MAP3K10: variants seen among roughly 807,000 people sequenced by gnomAD.
MAP3K10 encodes the protein MKN28 derived nonreceptor_type serine/threonine kinase.
A neutral mutation model predicts 75.0 loss-of-function variants in MAP3K10; 22 were observed. The observed-to-expected ratio is 0.29, with a 90% confidence interval of 0.21 to 0.42. The LOEUF (loss-of-function observed/expected upper bound fraction) is 0.42. Ranked by LOEUF, MAP3K10 falls within the 10% of genes least tolerant of loss-of-function variation. MAP3K10 has a pLI of 1.00. For synonymous variants in MAP3K10, 599 were observed against 612.9 expected (o/e 0.98, Z 0.34); for missense variants, 1,165 against 1,379.8 (o/e 0.84, Z 2.47).
In MAP3K10 at chr19:40,192,544, C is replaced by T. The variant is rs766405261; in HGVS notation, c.513C>T (p.Cys171=). 86 of 1,613,362 alleles carry T rather than the reference C, an allele frequency of 5.3e-5. No individual in the cohort carries two copies. Among genetic ancestry groups the T allele is most frequent in the Admixed American group, 6.7e-5 (4 of 59,964 alleles). The change falls in exon 1 of 10, where the codon TGC becomes TGT. Residue 171 remains cysteine, a synonymous_variant. Coordinates refer to ENST00000253055, the MANE Select transcript of MAP3K10 (RefSeq NM_002446.4). This position sits in a 1 kb window ranked among gnomAD's most constrained non-coding sequence, Gnocchi z 7.1. ...CCTGCCTCAACCCCCCACACCTCTG[C>T]CTAGTGATGGAGTATGCCCGGGGTG... ...RGACLNPPHL[C]LVMEYARGGA...
rs1973191156 is a variant in MAP3K10, at chr19:40,209,299, A to G, written c.1552+80A>G. 3 of 1,049,902 alleles carry G rather than the reference A, an allele frequency of 2.9e-6. No individual in the cohort carries two copies. The Admixed American group carries it at 5.9e-5, about 21-fold the overall frequency. 65.0% of individuals were successfully genotyped at this position (1,049,902 alleles called of 1,614,324 possible). ...TAGCACGATGTTTATACCTGGCACC[A>G]AGCCAGAGTAACAGCAAGAAAGAAG... On this transcript the variant is annotated intron_variant, in intron 6 of 9. Transcript: ENST00000253055.
chr19:40,199,834 A>T (rs895128735), intron 2 of MAP3K10, among the ~76,000 whole-genome samples: 5 of 152,168 alleles, frequency 3.3e-5, no homozygotes, highest in Non-Finnish European at 7.3e-5. Flanking sequence ...AGAAATTTTT[A>T]AATTAATTTT....
At position 40,192,752 on chromosome 19, in the gene MAP3K10, C is replaced by G; in HGVS notation, c.682+39C>G. The G allele has an allele frequency of 6.8e-7, 1 of 1,472,720 alleles. No homozygotes were observed. The highest frequency in any genetic ancestry group is 1.4e-5 in the South Asian group (1 of 73,854). 91.2% of individuals were successfully genotyped at this position (1,472,720 alleles called of 1,614,324 possible). On this transcript the variant is annotated intron_variant, in intron 1 of 9. Coordinates refer to ENST00000253055, the MANE Select transcript of MAP3K10 (RefSeq NM_002446.4). This position sits in a 1 kb window ranked among gnomAD's most constrained non-coding sequence, Gnocchi z 7.1. The stretch of plus-strand genomic sequence containing the variant: ...TCTCCCCAAAATTCCTTCCACAGAA[C>G]CTCTCAAGGCCAGGCCTAGGTGGTG...
intron 1 of MAP3K10, among the ~76,000 whole-genome samples, chr19:40,193,161 G>T (rs1972849166): frequency 6.6e-6 from 1 of 152,188 alleles, no homozygotes; most frequent in African/African-American, 2.4e-5. Context: ...CCTGTAAATT[G>T]TGAGTTGCTT....
chr19:40,214,938 C>G, intron 9 of MAP3K10, 32 bp from the exon 10 acceptor site: 1 of 1,063,644 alleles, frequency 9.4e-7, no homozygotes, highest in Non-Finnish European at 1.4e-6. Context: ...TCTGCCCCAC[C>G]CCACTCACCT....
In MAP3K10 at chr19:40,204,861, C is replaced by T; in HGVS notation, c.1012+228C>T. On this transcript the variant is annotated intron_variant, in intron 3 of 9. Coordinates refer to ENST00000253055, the MANE Select transcript of MAP3K10 (RefSeq NM_002446.4). The surrounding 1 kb of genome is among the most constrained non-coding windows in gnomAD (Gnocchi z 4.3). ...GCTCTCAGGACAACCTGTTAGGATTCCTTGGCCCTGGGATTCCACCTTGAT... is the reference window on the plus strand; with the variant it reads ...GCTCTCAGGACAACCTGTTAGGATTTCTTGGCCCTGGGATTCCACCTTGAT... The T allele has an allele frequency of 1.6e-6, 1 of 636,542 alleles. No homozygotes were observed. Among genetic ancestry groups the T allele is most frequent in the Admixed American group, 3.0e-5 (1 of 33,882 alleles). The allele number at this position is 636,542 out of a possible 1,614,324, so 39.4% of individuals were successfully genotyped here.
chr19:40,200,647 C>G (rs1032945645), intron 2 of MAP3K10, among the ~76,000 whole-genome samples: 18 of 118,098 alleles, frequency 1.5e-4, no homozygotes, highest in African/African-American at 5.8e-4. Flanking sequence ...GGGACAGAGT[C>G]TCACTCTGCC....
In MAP3K10 at chr19:40,191,941, C is replaced by T; in HGVS notation, c.-91C>T. On this transcript the variant is annotated 5_prime_UTR_variant, in exon 1 of 10. Transcript: ENST00000253055. ...AGGAGCTCCCTAGACCCCGCAGGGA[C>T]TGCCCTCCATCCCGGCCGCCGGGGC... The T allele has an allele frequency of 4.7e-6, 4 of 846,176 alleles. No individual in the cohort carries two copies. The South Asian group carries it at 8.0e-5, about 17-fold the overall frequency. The allele number at this position is 846,176 out of a possible 1,614,324, so 52.4% of individuals were successfully genotyped here.
Position 40,213,635 on chromosome 19 carries a change from G to T in MAP3K10, c.1956G>T (p.Trp652Cys). The part of the protein sequence containing the change: ...AEPSPGARAP[W>C]EPTPSAPPAR... ...CCTCCCCGGGGGCGCGGGCGCCGTG[G>T]GAGCCGACGCCGTCCGCGCCCCCCG... Residue 652 changes from tryptophan to cysteine, a missense_variant, in exon 9 of 10, where the codon TGG becomes TGT. Around this residue, in one of 2 missense-constraint regions of MAP3K10, gnomAD observed 590 missense variants for 586.6 expected, o/e 1.01. Transcript: ENST00000253055. The surrounding 1 kb of genome is among the most constrained non-coding windows in gnomAD (Gnocchi z 5.7). 2 of 1,484,092 alleles carry T rather than the reference G, an allele frequency of 1.3e-6. No homozygotes were observed. 91.9% of individuals were successfully genotyped at this position (1,484,092 alleles called of 1,614,324 possible).
rs1019641136 is a variant in MAP3K10, at chr19:40,209,354, C to A, written c.1552+135C>A. 42 of 584,452 alleles carry A rather than the reference C, an allele frequency of 7.2e-5. No individual in the cohort carries two copies. The Admixed American group carries it at 1.1e-3, about 15-fold the overall frequency. The allele number at this position is 584,452 out of a possible 1,614,324, so 36.2% of individuals were successfully genotyped here. A position where few individuals can be genotyped will look rare whatever the true frequency, so the allele number is the denominator to read the frequency against. On this transcript the variant is annotated intron_variant, in intron 6 of 9. Coordinates refer to ENST00000253055, the MANE Select transcript of MAP3K10 (RefSeq NM_002446.4). Reference sequence around the variant, plus strand: ...ACAAGGCCCTTTTCCTCATTCTTATCACAGGAAACAGATAGTAAACAAATA... The same window carrying A: ...ACAAGGCCCTTTTCCTCATTCTTATAACAGGAAACAGATAGTAAACAAATA...
chr19:40,196,435 G>A (rs1045926223), intron 1 of MAP3K10, among the ~76,000 whole-genome samples: 2 of 152,186 alleles, frequency 1.3e-5, no homozygotes, highest in Non-Finnish European at 2.9e-5. Flanking sequence ...GATTGTTTAA[G>A]CCCAGAAGTT....
In MAP3K10 at chr19:40,192,766, G is replaced by A. The variant is rs1972843864; in HGVS notation, c.682+53G>A. ...CTTCCACAGAACCTCTCAAGGCCAG[G>A]CCTAGGTGGTGGGAAACAGGGTGAG... On this transcript the variant is annotated intron_variant, in intron 1 of 9. Coordinates refer to ENST00000253055, the MANE Select transcript of MAP3K10 (RefSeq NM_002446.4). This position sits in a 1 kb window ranked among gnomAD's most constrained non-coding sequence, Gnocchi z 7.1. The A allele has an allele frequency of 3.5e-6, 5 of 1,417,258 alleles. No homozygotes were observed. The highest frequency in any genetic ancestry group is 1.4e-5 in the South Asian group (1 of 70,008). The allele number at this position is 1,417,258 out of a possible 1,614,324, so 87.8% of individuals were successfully genotyped here. A position where few individuals can be genotyped will look rare whatever the true frequency, so the allele number is the denominator to read the frequency against.
At chr19:40,200,483 T>A (rs181260266) in intron 2 of MAP3K10, among the ~76,000 whole-genome samples, 1 of 151,944 alleles carries the variant, frequency 6.6e-6, no homozygotes, top group African/African-American at 2.4e-5. Context: ...CTCCAGATTG[T>A]CCAAGCAGCA....
chr19:40,203,417 A>G (rs563632975), intron 2 of MAP3K10, among the ~76,000 whole-genome samples: 70 of 152,332 alleles, frequency 4.6e-4, no homozygotes, highest in Admixed American at 4.5e-3. Context: ...AACACCACAC[A>G]GAATGGCCAT....
At chr19:40,214,896 A>G (rs1466668294) in intron 9 of MAP3K10, 74 bp from the exon 10 acceptor site, 1 of 705,078 alleles carries the variant, frequency 1.4e-6, no homozygotes, top group Non-Finnish European at 2.5e-6. Flanking sequence ...TGTGCTTTTC[A>G]TGTAACAGCT....
At position 40,206,736 on chromosome 19, in the gene MAP3K10, C is replaced by G. The variant is rs192352124; in HGVS notation, c.1435+579C>G. On this transcript the variant is annotated intron_variant, in intron 5 of 9. Coordinates refer to ENST00000253055, the MANE Select transcript of MAP3K10 (RefSeq NM_002446.4). ...TCACACCATCCCCTGAGAGGAACAT[C>G]TGTCTTGACACTTAGGACAGTCACT... is the stretch of plus-strand genomic sequence containing the variant. Among the ~76,000 whole-genome samples the G allele has an allele frequency of 1.8e-4, 27 of 152,318 alleles. No homozygotes were observed. The East Asian group carries it at 5.2e-3, about 29-fold the overall frequency.
Position 40,209,096 on chromosome 19 carries a change from T to C in MAP3K10, c.1436-7T>C. 6 of 1,605,902 alleles carry C rather than the reference T, an allele frequency of 3.7e-6. No individual in the cohort carries two copies. The highest frequency in any genetic ancestry group is 5.1e-6 in the Non-Finnish European group (6 of 1,172,698). On this transcript the variant is annotated splice_region_variant and splice_polypyrimidine_tract_variant and intron_variant, in intron 5 of 9. Coordinates refer to ENST00000253055, the MANE Select transcript of MAP3K10 (RefSeq NM_002446.4). The stretch of plus-strand genomic sequence containing the variant: ...TTGCTTAGGAAAGCTTCTCTTTCTT[T>C]CTGCAGGCTTTGAGCATAAGATCAC...
Position 40,213,204 on chromosome 19 carries a change from C to A in MAP3K10, c.1837+16C>A. On this transcript the variant is annotated intron_variant, in intron 8 of 9. Coordinates refer to ENST00000253055, the MANE Select transcript of MAP3K10 (RefSeq NM_002446.4). The surrounding 1 kb of genome is among the most constrained non-coding windows in gnomAD (Gnocchi z 5.7). Reference sequence around the variant, plus strand: ...AATGAGATGGGTAAGAGCCTGGGTTCTTGTAAGGGGGTGGGGGTTCCCTGG... The same window carrying A: ...AATGAGATGGGTAAGAGCCTGGGTTATTGTAAGGGGGTGGGGGTTCCCTGG... 1 of 1,552,646 alleles carries A rather than the reference C, an allele frequency of 6.4e-7. No individual in the cohort carries two copies. The highest frequency in any genetic ancestry group is 1.2e-5 in the South Asian group (1 of 83,566).
intron 2 of MAP3K10, among the ~76,000 whole-genome samples, chr19:40,201,167 G>GTTTTTTT (rs986113003): frequency 2.0e-4 from 30 of 146,806 alleles, no homozygotes; most frequent in African/African-American, 6.8e-4. Context: ...GAGCTCCAGC[G>GTTTTTTT]TTTTTTGTTT....
Sources: allele counts gnomAD v4.1 joint callset (sites outside exome capture counted in the v4.1 genomes callset), GRCh38; gene constraint gnomAD v4.1.1; regional missense constraint gnomAD v4.1.1; non-coding constraint Gnocchi (gnomAD v3.1); transcripts MANE v1.5; gene names NCBI Gene and HGNC (gene_info 2026-07-23, HGNC 2026-07-21).